The following IFT70A variants were observed in gnomAD, a reference collection of about 807,000 sequenced individuals.
IFT70A encodes the protein intraflagellar transport protein 70A.
the IFT70A span, chr2:177,613,900 GATATTA>G: frequency 5.9e-5 from 9 of 152,142 alleles, no homozygotes; most frequent in African/African-American, 2.2e-4. Context: ...ATGTTCACAT[GATATTA>G]ATATTTGCAA....
At chr2:177,618,273 T>C in the IFT70A span, 8 of 1,614,082 alleles carry the variant, frequency 5.0e-6, no homozygotes, top group African/African-American at 1.3e-5. Context: ...CTTCTCCCCC[T>C]TCCCCACTCA....
At chr2:177,615,015 A>C in the IFT70A span, 5 of 152,256 alleles carry the variant, frequency 3.3e-5, no homozygotes, top group Admixed American at 3.3e-4. Flanking sequence ...TAGTTCTGGC[A>C]TCTCTTATTT....
the IFT70A span, chr2:177,618,007 T>C: frequency 2.5e-6 from 4 of 1,614,112 alleles, no homozygotes; most frequent in Non-Finnish European, 3.4e-6. Flanking sequence ...ATCAAAGCCC[T>C]CGGTGGTCAT....
chr2:177,615,664 T>C, the IFT70A span: 2 of 152,154 alleles, frequency 1.3e-5, no homozygotes, highest in African/African-American at 4.8e-5. Flanking sequence ...GATTTGCTTA[T>C]ATATCCAGGT....
At chr2:177,615,273 A>G in the IFT70A span, 1 of 152,244 alleles carries the variant, frequency 6.6e-6, no homozygotes, top group Non-Finnish European at 1.5e-5. Flanking sequence ...AATACACATT[A>G]TAACAGCTTG....
At chr2:177,614,959 A>G in the IFT70A span, 1 of 152,338 alleles carries the variant, frequency 6.6e-6, no homozygotes, top group South Asian at 2.1e-4. Flanking sequence ...AAATAAAACA[A>G]GAATATGAGG....
the IFT70A span, chr2:177,615,728 T>C: frequency 2.6e-5 from 4 of 152,154 alleles, no homozygotes; most frequent in Admixed American, 2.6e-4. Flanking sequence ...AATCGGATGT[T>C]ACAGCTAAAA....
chr2:177,617,530 C>T, the IFT70A span: 32 of 1,614,022 alleles, frequency 2.0e-5, no homozygotes, highest in East Asian at 6.7e-5. Flanking sequence ...GGTGAGTCTC[C>T]GAAGCTGCTC....
the IFT70A span, chr2:177,617,126 T>C: frequency 1.9e-6 from 3 of 1,609,572 alleles, no homozygotes; most frequent in South Asian, 3.3e-5. Context: ...TCTTCCTCCT[T>C]TTCAATCTTC....
At chr2:177,613,532 AAGACGTTGAGACTCTGATT>A in the IFT70A span, 1 of 152,228 alleles carries the variant, frequency 6.6e-6, no homozygotes, top group Non-Finnish European at 1.5e-5. Context: ...AATTGGGACT[AAGACGTTGAGACTCTGATT>A]AGAAAAACTA....
chr2:177,618,467 C>G, the IFT70A span: 4 of 1,594,778 alleles, frequency 2.5e-6, no homozygotes, highest in Non-Finnish European at 2.6e-6. Flanking sequence ...CGGTACTGCT[C>G]CAGTTCCGGG....
At chr2:177,618,681 C>A in the IFT70A span, 3 of 1,589,696 alleles carry the variant, frequency 1.9e-6, no homozygotes, top group South Asian at 3.4e-5. Flanking sequence ...CGGGGATCTG[C>A]GCGCCGCTCA....
chr2:177,616,986 C>T, the IFT70A span: 2 of 1,613,072 alleles, frequency 1.2e-6, no homozygotes, highest in Admixed American at 1.7e-5. Context: ...TATTATAAGG[C>T]TCCAAGCTTT....
the IFT70A span, chr2:177,617,833 A>T: frequency 1.9e-6 from 3 of 1,614,090 alleles, no homozygotes; most frequent in African/African-American, 4.0e-5. Flanking sequence ...CTGGTTGTGC[A>T]GGGTCACAGG....
chr2:177,618,008 C>A, the IFT70A span: 9 of 1,614,222 alleles, frequency 5.6e-6, no homozygotes, highest in South Asian at 9.9e-5. Flanking sequence ...TCAAAGCCCT[C>A]GGTGGTCATG....
the IFT70A span, chr2:177,616,888 T>C: frequency 6.3e-7 from 1 of 1,594,380 alleles, no homozygotes; most frequent in South Asian, 1.2e-5. Context: ...AACACTGTCA[T>C]GAATGACTAT....
the IFT70A span, chr2:177,618,248 T>C: frequency 4.3e-6 from 7 of 1,614,138 alleles, no homozygotes; most frequent in South Asian, 3.3e-5. Context: ...TCGGTCTCAT[T>C]GTCGCCTCCA....
chr2:177,618,306 G>A, the IFT70A span: 1,116 of 1,614,130 alleles, frequency 6.9e-4, no homozygotes, highest in Admixed American at 1.1e-3. Flanking sequence ...CCAGGCTCCT[G>A]GACCCTGGCA....
At chr2:177,618,353 G>C in the IFT70A span, 1 of 1,613,614 alleles carries the variant, frequency 6.2e-7, no homozygotes. Context: ...GCTTGCAGGC[G>C]GAGGACCCGG....
Sources: gnomAD v4.1 joint callset for allele counts on GRCh38, gnomAD v4.1.1 for gene constraint, MANE v1.5 for transcripts, NCBI Gene and HGNC (gene_info 2026-07-23, HGNC 2026-07-21) for gene names.